Variants in DLGAP1 observed in about 807,000 individuals in gnomAD.
DLGAP1 encodes the protein disks large-associated protein 1.
In DLGAP1, 11 loss-of-function variants were observed where a neutral mutation model predicts 90.8. The observed-to-expected ratio is 0.12, with a 90% CI of 0.08 to 0.20. The LOEUF is 0.20. DLGAP1 is among the 10% of genes least tolerant of loss of function. The pLI, the probability that DLGAP1 is intolerant of heterozygous loss-of-function variation, is 1.00. For missense variants in DLGAP1, 1,050 were observed against 1,333.8 expected, an observed-to-expected ratio of 0.79 and a Z score of 3.31; for synonymous variants, 558 against 540.7, an observed-to-expected ratio of 1.03 and a Z score of -0.44.
At chr18:3,702,046 AAATT>A (rs1401243373) in intron 7 of DLGAP1, among the ~76,000 whole-genome samples, 67 of 152,300 alleles carry the variant, frequency 4.4e-4, no homozygotes, top group African/African-American at 1.5e-3. Context: ...TTAATTAATT[AAATT>A]AATTATTTAT....
chr18:4,152,156 T>C (rs547222855), intron 1 of DLGAP1, among the ~76,000 whole-genome samples: 19 of 152,294 alleles, frequency 1.2e-4, no homozygotes, highest in African/African-American at 4.6e-4. Context: ...AAAACTGATC[T>C]GATGTCGAAA....
intron 7 of DLGAP1, among the ~76,000 whole-genome samples, chr18:3,602,593 C>CAAAAAAAAAAAA (rs71159102): frequency 1.5e-5 from 1 of 66,676 alleles, no homozygotes; most frequent in East Asian, 4.0e-4. Context: ...AGACTCCGTC[C>CAAAAAAAAAAAA]AAAAAAAAAA....
intron 3 of DLGAP1, among the ~76,000 whole-genome samples, chr18:3,948,497 A>G (rs989200649): frequency 1.3e-5 from 2 of 152,168 alleles, no homozygotes; most frequent in African/African-American, 4.8e-5. Context: ...CACTGCAGAT[A>G]AGTGGATCTA....
chr18:4,067,592 T>C (rs1260088752), intron 2 of DLGAP1, among the ~76,000 whole-genome samples: 1 of 152,016 alleles, frequency 6.6e-6, no homozygotes, highest in Non-Finnish European at 1.5e-5. Context: ...TTTGGCATTT[T>C]TTTTTTTTAA....
chr18:3,604,065 G>C (rs529499531), intron 7 of DLGAP1: 1 of 154,370 alleles, frequency 6.5e-6, no homozygotes. Context: ...TGACGTTCGT[G>C]AACTAGTGAT....
chr18:3,680,609 A>G (rs752166955), intron 7 of DLGAP1, among the ~76,000 whole-genome samples: 20 of 152,028 alleles, frequency 1.3e-4, no homozygotes, highest in Non-Finnish European at 2.1e-4. Context: ...AACATGGTGA[A>G]ACCCCTGTCT....
intron 5 of DLGAP1, among the ~76,000 whole-genome samples, chr18:3,750,178 C>T (rs1378881059): frequency 1.3e-5 from 2 of 152,172 alleles, no homozygotes; most frequent in Admixed American, 1.3e-4. Context: ...TTCATGTCTG[C>T]GTGTACCCAC....
chr18:4,414,878 C>A (rs528913417), intron 1 of DLGAP1, among the ~76,000 whole-genome samples: 2 of 152,284 alleles, frequency 1.3e-5, no homozygotes, highest in Admixed American at 6.5e-5. Flanking sequence ...TTGCCAATTA[C>A]TAGCAGTGTC....
At chr18:4,088,143 A>G (rs1331755274) in intron 2 of DLGAP1, among the ~76,000 whole-genome samples, 2 of 151,554 alleles carry the variant, frequency 1.3e-5, no homozygotes, top group African/African-American at 4.8e-5. Context: ...TAAATTTTAA[A>G]TATGGATTTT....
At position 3,908,256 on chromosome 18, in the gene DLGAP1, T is replaced by C. The variant is rs138720514; in HGVS notation, c.-72-28116A>G. On this transcript the variant is annotated intron_variant, in intron 3 of 12. Transcript: ENST00000315677. ...GAGACAGTGTAATGGGGGAGAGGGATATATGCATGATTATGAATGTGGCAT... is the reference window on the plus strand; with the variant it reads ...GAGACAGTGTAATGGGGGAGAGGGACATATGCATGATTATGAATGTGGCAT... Among the ~76,000 whole-genome samples, 176 of 152,316 alleles carry C rather than the reference T, an allele frequency of 1.2e-3. 1 individual carries two copies. The highest frequency in any genetic ancestry group is 1.9e-3 in the Non-Finnish European group (132 of 68,032).
At chr18:4,199,587 C>T (rs902343856) in intron 1 of DLGAP1, among the ~76,000 whole-genome samples, 1 of 152,164 alleles carries the variant, frequency 6.6e-6, no homozygotes, top group Non-Finnish European at 1.5e-5. Flanking sequence ...CTCCCATTTA[C>T]CCACTGCCTT....
chr18:3,877,846 A>T (rs753347052), intron 4 of DLGAP1, among the ~76,000 whole-genome samples: 84 of 152,364 alleles, frequency 5.5e-4, no homozygotes, highest in Non-Finnish European at 6.8e-4. Flanking sequence ...GCAACCTTAC[A>T]GGAAATTAGG....
chr18:4,032,886 C>A (rs1186756839), intron 2 of DLGAP1, among the ~76,000 whole-genome samples: 1 of 152,112 alleles, frequency 6.6e-6, no homozygotes, highest in Non-Finnish European at 1.5e-5. Context: ...TTATGGTCAC[C>A]TTTGTATCCA....
chr18:3,651,213 G>A (rs752118498), intron 7 of DLGAP1, among the ~76,000 whole-genome samples: 45 of 151,930 alleles, frequency 3.0e-4, no homozygotes, highest in Non-Finnish European at 5.1e-4. Flanking sequence ...ACAAAAATTA[G>A]CTGGGCATGG....
chr18:4,350,948 A>G (rs1477871335), intron 1 of DLGAP1, among the ~76,000 whole-genome samples: 7 of 152,150 alleles, frequency 4.6e-5, no homozygotes, highest in African/African-American at 1.7e-4. Flanking sequence ...AGAAATAATG[A>G]CCACTGAAAT....
intron 1 of DLGAP1, among the ~76,000 whole-genome samples, chr18:4,393,097 T>G (rs1182541995): frequency 6.6e-6 from 1 of 152,218 alleles, no homozygotes; most frequent in African/African-American, 2.4e-5. Context: ...ACAGTTGGTT[T>G]CTTTCCAGCA....
intron 1 of DLGAP1, among the ~76,000 whole-genome samples, chr18:4,344,476 G>A (rs998916586): frequency 1.3e-5 from 2 of 152,170 alleles, no homozygotes; most frequent in African/African-American, 4.8e-5. Context: ...TTTGCTATGT[G>A]AGATTAACGA....
intron 4 of DLGAP1, among the ~76,000 whole-genome samples, chr18:3,868,177 C>T (rs568323571): frequency 6.6e-6 from 1 of 152,160 alleles, no homozygotes; most frequent in South Asian, 2.1e-4. Flanking sequence ...GAACAGGAAA[C>T]GATCTAAAAT....
intron 5 of DLGAP1, among the ~76,000 whole-genome samples, chr18:3,809,079 G>C (rs1177706234): frequency 1.3e-5 from 2 of 152,126 alleles, no homozygotes; most frequent in Non-Finnish European, 2.9e-5. Context: ...GTAGACTAAG[G>C]ATAGCACCTG....
Sources: gnomAD v4.1 joint callset for allele counts (sites outside exome capture counted in the v4.1 genomes callset) on GRCh38, gnomAD v4.1.1 for gene constraint, MANE v1.5 for transcripts, NCBI Gene and HGNC (gene_info 2026-07-23, HGNC 2026-07-21) for gene names.